Variants in NTAQ1 observed in about 807,000 individuals in gnomAD.
NTAQ1 encodes protein N-terminal glutamine amidohydrolase.
Under a neutral mutation model 28.2 loss-of-function variants are expected in NTAQ1, and 21 were observed. The observed-to-expected ratio is 0.74, with a 90% CI of 0.53 to 1.07. The LOEUF is 1.07. NTAQ1 is among the 50% of genes least tolerant of loss of function. The pLI is 0.00. For missense variants in NTAQ1, 264 were observed against 256.6 expected, an observed-to-expected ratio of 1.03 and a Z score of -0.20; for synonymous variants, 105 against 90.0, an observed-to-expected ratio of 1.17 and a Z score of -0.94.
the NTAQ1 span, among the ~76,000 whole-genome samples, chr8:123,475,077 C>T: frequency 1.3e-5 from 2 of 152,046 alleles, no homozygotes; most frequent in Non-Finnish European, 2.9e-5. Flanking sequence ...TTATTCTCCT[C>T]CCTCATTTAT....
intron 1 of NTAQ1, among the ~76,000 whole-genome samples, chr8:123,426,167 T>C (rs570201634): frequency 1.3e-5 from 2 of 152,332 alleles, no homozygotes; most frequent in East Asian, 3.9e-4. Flanking sequence ...CTGTGAGTAC[T>C]GCCCGAAGTG....
chr8:123,430,660 A>C (rs369102582), intron 3 of NTAQ1, among the ~76,000 whole-genome samples: 3 of 152,334 alleles, frequency 2.0e-5, no homozygotes, highest in African/African-American at 7.2e-5. Context: ...ACTCACCTGT[A>C]GTCCCAGCTA....
intron 5 of NTAQ1, among the ~76,000 whole-genome samples, chr8:123,438,512 C>G (rs1049793076): frequency 6.6e-6 from 1 of 151,608 alleles, no homozygotes; most frequent in Admixed American, 6.6e-5. Flanking sequence ...AAAAATTAGC[C>G]GGGTGTGGTG....
chr8:123,419,706 C>G (rs543903334), intron 1 of NTAQ1, among the ~76,000 whole-genome samples: 9 of 148,058 alleles, frequency 6.1e-5, no homozygotes, highest in African/African-American at 2.2e-4. Context: ...CCAAGATGAT[C>G]AGCTGACAGC....
At chr8:123,440,146 CTTTTTTT>C (rs577877415) in intron 5 of NTAQ1, among the ~76,000 whole-genome samples, 4 of 56,572 alleles carry the variant, frequency 7.1e-5, no homozygotes, top group African/African-American at 1.5e-4. Context: ...GGATTAACTC[CTTTTTTT>C]TTTTTTTTTT....
intron 6 of NTAQ1, among the ~76,000 whole-genome samples, chr8:123,456,670 A>G (rs1815658740): frequency 1.3e-5 from 2 of 152,198 alleles, no homozygotes; most frequent in African/African-American, 2.4e-5. Context: ...TATTTTTAAC[A>G]AGAACTGTCA....
chr8:123,416,767 G>C (rs1284570734), upstream of NTAQ1: 1 of 1,265,154 alleles, frequency 7.9e-7, no homozygotes, highest in Non-Finnish European at 1.0e-6. Context: ...GGGAACCCAC[G>C]CGGGCCACTA....
intron 6 of NTAQ1, among the ~76,000 whole-genome samples, chr8:123,466,664 C>A (rs934641574): frequency 6.6e-6 from 1 of 152,196 alleles, no homozygotes; most frequent in Non-Finnish European, 1.5e-5. Context: ...CCTTTTCCCC[C>A]CTGGCAAACT....
chr8:123,463,077 A>G (rs1046417731), intron 6 of NTAQ1, among the ~76,000 whole-genome samples: 1 of 152,162 alleles, frequency 6.6e-6, no homozygotes, highest in Non-Finnish European at 1.5e-5. Context: ...TGCTCTTTGT[A>G]GGGAAGAACA....
intron 1 of NTAQ1, among the ~76,000 whole-genome samples, chr8:123,419,985 G>C (rs192191503): frequency 6.6e-6 from 1 of 151,946 alleles, no homozygotes; most frequent in East Asian, 1.9e-4. Flanking sequence ...GTATGTGTTG[G>C]GGGTTTGGTG....
At chr8:123,459,266 A>G (rs1011929430) in intron 6 of NTAQ1, among the ~76,000 whole-genome samples, 2 of 151,716 alleles carry the variant, frequency 1.3e-5, no homozygotes, top group Admixed American at 1.3e-4. Context: ...AAAGATGTAG[A>G]TGAACAGCCA....
At chr8:123,465,113 C>T (rs574239736) in intron 6 of NTAQ1, among the ~76,000 whole-genome samples, 4 of 152,238 alleles carry the variant, frequency 2.6e-5, no homozygotes, top group South Asian at 2.1e-4. Context: ...TTATTTTGAA[C>T]GAATTTAAGA....
chr8:123,435,674 C>T, intron 3 of NTAQ1: 1 of 262,652 alleles, frequency 3.8e-6, no homozygotes, highest in South Asian at 1.4e-4. Flanking sequence ...GGAGACCAGC[C>T]TGGCCAACAT....
intron 5 of NTAQ1, among the ~76,000 whole-genome samples, chr8:123,439,858 G>A (rs1321736855): frequency 6.6e-6 from 1 of 151,828 alleles, no homozygotes; most frequent in African/African-American, 2.4e-5. Flanking sequence ...GGAGGCTGAG[G>A]CAGGAGAATT....
downstream of NTAQ1, among the ~76,000 whole-genome samples, chr8:123,471,390 G>C (rs558038695): frequency 1.4e-4 from 21 of 152,206 alleles, no homozygotes; most frequent in South Asian, 3.3e-3. Flanking sequence ...TTGTAGTCAG[G>C]GTTCTCCAGA....
rs546684703 is a variant in NTAQ1, at chr8:123,433,561, C to T, written c.235-2892C>T. Among the ~76,000 whole-genome samples, 11 of 152,280 alleles carry T rather than the reference C, an allele frequency of 7.2e-5. No individual in the cohort carries two copies. The South Asian group carries it at 1.5e-3, about 20-fold the overall frequency. ...CTCCTGGGTTCAAGTGATTCTCGTG[C>T]CTCAGCCTCCTGAGTAGCTGGGGCT... On this transcript the variant is annotated intron_variant, in intron 3 of 5. Transcript: ENST00000287387.
chr8:123,441,217 T>C, intron 5 of NTAQ1, 89 bp from the exon 6 acceptor site: 1 of 948,630 alleles, frequency 1.1e-6, no homozygotes, highest in Non-Finnish European at 1.6e-6. Context: ...TGAATAATTT[T>C]ACCTACTTTT....
At chr8:123,435,433 C>CCT in intron 3 of NTAQ1, 1 of 983,784 alleles carries the variant, frequency 1.0e-6, no homozygotes, top group Non-Finnish European at 1.2e-6. Flanking sequence ...TCCTCCTTCT[C>CCT]CTCTCCAGGC....
At chr8:123,440,146 CTTTTTTTTTTTTTTTTT>C (rs577877415) in intron 5 of NTAQ1, among the ~76,000 whole-genome samples, 2 of 56,542 alleles carry the variant, frequency 3.5e-5, no homozygotes, top group Non-Finnish European at 5.9e-5. Flanking sequence ...GGATTAACTC[CTTTTTTTTTTTTTTTTT>C]TTTTTTTTTT....
Sources: allele counts gnomAD v4.1 joint callset (sites outside exome capture counted in the v4.1 genomes callset), GRCh38; gene constraint gnomAD v4.1.1; transcripts MANE v1.5; gene names NCBI Gene and HGNC (gene_info 2026-07-23, HGNC 2026-07-21).